MRGPRX3: variants seen among roughly 807,000 people sequenced by gnomAD.
MRGPRX3 encodes mas-related G protein-coupled receptor member X3.
A neutral mutation model predicts 16.5 loss-of-function variants in MRGPRX3; 14 were observed. The observed-to-expected ratio is 0.85, with a 90% CI of 0.56 to 1.33. The LOEUF (loss-of-function observed/expected upper bound fraction) is 1.33. MRGPRX3 is among the 40% of genes most tolerant of loss of function. MRGPRX3 has a pLI of 0.00. For synonymous variants in MRGPRX3, 199 were observed against 180.1 expected, an observed-to-expected ratio of 1.10 and a Z score of -0.84; for missense variants, 449 against 413.0, an observed-to-expected ratio of 1.09 and a Z score of -0.76.
chr11:18,137,997 C>T lies in MRGPRX3; in HGVS notation c.795C>T (p.Ser265=), dbSNP rs770037954. The T allele has an allele frequency of 6.8e-6, 11 of 1,614,166 alleles. No homozygotes were observed. In the East Asian group the frequency reaches 2.2e-4, roughly 33 times the overall value. Residue 265 remains serine (S), a synonymous_variant, in exon 2 of 2, where the codon AGC becomes AGT. Coordinates refer to ENST00000621697, the MANE Select transcript of MRGPRX3 (RefSeq NM_001370464.1). ...LVSIFLSALN[S]SANPIIYFFV... ...CCATTTTCCTGTCCGCTCTTAACAG[C>T]AGTGCCAACCCCATCATTTACTTCT...
chr11:18,129,001 T>C (rs1040166619), upstream of MRGPRX3, among the ~76,000 whole-genome samples: 9 of 152,198 alleles, frequency 5.9e-5, no homozygotes, highest in Non-Finnish European at 1.0e-4. Context: ...TGAATGATAA[T>C]AGTGACACAA....
At chr11:18,131,523 T>C (rs564746598), upstream of MRGPRX3, among the ~76,000 whole-genome samples, 3 of 152,238 alleles carry the variant, frequency 2.0e-5, no homozygotes, top group Admixed American at 2.0e-4. Flanking sequence ...AATTTAAAAA[T>C]CTAAAAATAA....
upstream of MRGPRX3, among the ~76,000 whole-genome samples, chr11:18,131,600 G>T (rs186502746): frequency 6.6e-6 from 1 of 151,990 alleles, no homozygotes; most frequent in South Asian, 2.1e-4. Flanking sequence ...GTAAACTTGC[G>T]CAACCACTAT....
rs537118682 is a variant in MRGPRX3 at position 18,121,169 on chromosome 11, G to T, written c.-152+5G>T. On this transcript the variant is annotated splice_donor_5th_base_variant and intron_variant, in intron 1 of 2. Transcript: ENST00000396275. Reference sequence around the variant, plus strand: ...GGTCGCGACCCCGTCTGGGAGGTGAGGAGCGTCTCTGCCCAGCCGCCCCAT... The same window carrying T: ...GGTCGCGACCCCGTCTGGGAGGTGATGAGCGTCTCTGCCCAGCCGCCCCAT... The T allele has an allele frequency of 5.5e-3, 840 of 153,000 alleles. 3 individuals carry two copies. The highest frequency in any genetic ancestry group is 9.6e-3 in the Non-Finnish European group (660 of 69,044). 9.5% of individuals were successfully genotyped at this position (153,000 alleles called of 1,614,324 possible). A position where few individuals can be genotyped will look rare whatever the true frequency, so the allele number is the denominator to read the frequency against.
chr11:18,136,722 GC>G (rs1266998363), intron 1 of MRGPRX3, among the ~76,000 whole-genome samples: 1 of 152,126 alleles, frequency 6.6e-6, no homozygotes, highest in Non-Finnish European at 1.5e-5. Flanking sequence ...ACCAGGTCCC[GC>G]CATTTTCACA....
In MRGPRX3 at chr11:18,137,410, G is replaced by A. The variant is rs145864519; in HGVS notation, c.208G>A (p.Ala70Thr). 4.1e-5 allele frequency: 66 copies of A among 1,614,056 alleles called. No individual in the cohort carries two copies. Among genetic ancestry groups the A allele is most frequent in the South Asian group, 6.6e-5 (6 of 91,080 alleles). The change falls in exon 2 of 2, where the codon GCG becomes ACG. Residue 70 changes from alanine to threonine, a missense_variant. Ala to Thr is a moderately conservative substitution (Grantham distance 58). Coordinates refer to ENST00000621697, the MANE Select transcript of MRGPRX3 (RefSeq NM_001370464.1). ...CTCCATCTACATCCTCAACCTGGTC[G>A]CGGCCGACTTCCTCTTCCTTAGCGG... is the stretch of plus-strand genomic sequence containing the variant. The part of the protein sequence containing the change: ...AVSIYILNLV[A>T]ADFLFLSGHI...
chr11:18,137,556 C>T lies in MRGPRX3; in HGVS notation c.354C>T (p.Thr118=), dbSNP rs764295874. ...TAAGCATGCTGAGCGCCATCAGCAC[C>T]GAGCGCTGCCTGTCCATCCTGTGGC... ...IGLSMLSAIS[T]ERCLSILWPI... The change falls in exon 2 of 2, where the codon ACC becomes ACT. Residue 118 remains threonine (T), a synonymous_variant. Coordinates refer to ENST00000621697, the MANE Select transcript of MRGPRX3 (RefSeq NM_001370464.1). 38 of 1,614,026 alleles carry T rather than the reference C, an allele frequency of 2.4e-5. No individual in the cohort carries two copies. The Admixed American group carries it at 3.2e-4, about 13-fold the overall frequency.
upstream of MRGPRX3, among the ~76,000 whole-genome samples, chr11:18,128,030 G>C (rs1299879842): frequency 6.6e-6 from 1 of 152,216 alleles, no homozygotes; most frequent in Non-Finnish European, 1.5e-5. Flanking sequence ...GTTTGCTGGA[G>C]GTCCACTCCA....
chr11:18,135,155 C>T (rs929352399), intron 1 of MRGPRX3, among the ~76,000 whole-genome samples: 1 of 152,142 alleles, frequency 6.6e-6, no homozygotes, highest in Non-Finnish European at 1.5e-5. Flanking sequence ...TAGGCCTTAG[C>T]TTCATCTTAT....
intron 1 of MRGPRX3, among the ~76,000 whole-genome samples, chr11:18,122,484 A>G (rs1177621773): frequency 6.6e-6 from 1 of 152,192 alleles, no homozygotes; most frequent in Non-Finnish European, 1.5e-5. Context: ...GATGGTTTCC[A>G]GCCCCATCCA....
At chr11:18,132,265 TC>T (rs1848967720), upstream of MRGPRX3, among the ~76,000 whole-genome samples, 1 of 152,170 alleles carries the variant, frequency 6.6e-6, no homozygotes, top group Non-Finnish European at 1.5e-5. Flanking sequence ...AAAGAAAACA[TC>T]AAAAAATTGT....
rs564837110 is a variant in MRGPRX3, at chr11:18,122,648, C to T, written c.-152+1484C>T. On this transcript the variant is annotated intron_variant, in intron 1 of 2. Transcript: ENST00000396275. ...TGTGAATAGTGCCACAATAAACATA[C>T]GTGTGCATGTGTCTTTATAGCAGGG... 2.9e-4 allele frequency among the ~76,000 whole-genome samples: 44 copies of T among 152,208 alleles called. No individual in the cohort carries two copies. The South Asian group carries it at 6.0e-3, about 21-fold the overall frequency.
intron 1 of MRGPRX3, among the ~76,000 whole-genome samples, chr11:18,123,868 C>T (rs1848864550): frequency 6.6e-6 from 1 of 152,108 alleles, no homozygotes; most frequent in African/African-American, 2.4e-5. Context: ...TTTCATTGAG[C>T]AGTGGTTTGT....
In MRGPRX3 at chr11:18,137,510, C is replaced by T. The variant is rs746156848; in HGVS notation, c.308C>T (p.Thr103Ile). The T allele has an allele frequency of 6.2e-7, 1 of 1,614,142 alleles. No homozygotes were observed. ...TCCAAAATCCTCAGTCCTGTGATGA[C>T]CTTTCCCTACTTTATAGGCCTAAGC... ...PISKILSPVM[T>I]FPYFIGLSML... Residue 103 changes from threonine (T) to isoleucine (I), a missense_variant, in exon 2 of 2, where the codon ACC becomes ATC. Transcript: ENST00000621697.
chr11:18,124,555 GT>G (rs1848871578), intron 1 of MRGPRX3, among the ~76,000 whole-genome samples: 2 of 152,044 alleles, frequency 1.3e-5, no homozygotes, highest in African/African-American at 4.8e-5. Flanking sequence ...ATCATGGTGA[GT>G]AAGCTTTTTG....
upstream of MRGPRX3, among the ~76,000 whole-genome samples, chr11:18,128,427 C>T (rs886257868): frequency 6.6e-6 from 1 of 152,244 alleles, no homozygotes; most frequent in Non-Finnish European, 1.5e-5. Context: ...GGGCTTCACC[C>T]AGTTGGAGCT....
intron 1 of MRGPRX3, among the ~76,000 whole-genome samples, chr11:18,136,263 C>T (rs1849006842): frequency 6.6e-6 from 1 of 152,238 alleles, no homozygotes; most frequent in Non-Finnish European, 1.5e-5. Context: ...CTCACCCTCA[C>T]TTACTCTTTC....
chr11:18,123,015 C>T lies in MRGPRX3; in HGVS notation c.-152+1851C>T, dbSNP rs536579505. Among the ~76,000 whole-genome samples the T allele has an allele frequency of 4.6e-5, 7 of 152,164 alleles. No homozygotes were observed. In the East Asian group the frequency reaches 1.3e-3, roughly 29 times the overall value. ...GAGAAGTGTCTGTTCATATCCTTTG[C>T]CCACTTTTTGATGGGGTTGTTTGTT... On this transcript the variant is annotated intron_variant, in intron 1 of 2. Coordinates refer to the MRGPRX3 transcript ENST00000396275.
chr11:18,124,934 G>A lies in MRGPRX3; in HGVS notation c.-152+3770G>A, dbSNP rs556622252. 1.5e-4 allele frequency among the ~76,000 whole-genome samples: 23 copies of A among 152,256 alleles called. 1 individual carries two copies. Among genetic ancestry groups the A allele is most frequent in the South Asian group, 1.0e-3 (5 of 4,816 alleles). On this transcript the variant is annotated intron_variant, in intron 1 of 2. Coordinates refer to the MRGPRX3 transcript ENST00000396275. ...AGTCTTGAGAGTGTATATGTGTCGA[G>A]GAATTTATCCATTTCTTCTAGATTT...
Sources: allele counts gnomAD v4.1 joint callset (sites outside exome capture counted in the v4.1 genomes callset), GRCh38; gene constraint gnomAD v4.1.1; transcripts MANE v1.5; gene names NCBI Gene and HGNC (gene_info 2026-07-23, HGNC 2026-07-21).